The following CTNND2 variants were observed in gnomAD, a reference collection of about 807,000 sequenced individuals.
CTNND2 encodes the protein catenin delta-2.
CTNND2 carries 22 observed loss-of-function variants against 144.4 expected under a neutral mutation model. The ratio of observed to expected loss-of-function variants is 0.15; its 90% CI spans 0.11 to 0.22. CTNND2 has a LOEUF of 0.22. Among genes scored for constraint, CTNND2 ranks in the 10% least tolerant of loss-of-function variants. CTNND2 has a pLI of 1.00. For missense variants in CTNND2, 1,353 were observed against 1,618.8 expected, an observed-to-expected ratio of 0.84 and a Z score of 2.82; for synonymous variants, 751 against 695.6, an observed-to-expected ratio of 1.08 and a Z score of -1.25.
At chr5:11,571,335 A>G (rs1247280399) in intron 2 of CTNND2, among the ~76,000 whole-genome samples, 2 of 152,148 alleles carry the variant, frequency 1.3e-5, no homozygotes, top group Admixed American at 1.3e-4. Context: ...CAGGAGAACC[A>G]CTGTGTGCAG....
chr5:10,992,556 C>A lies in CTNND2; in HGVS notation c.3206G>T (p.Arg1069Leu). 6.2e-7 allele frequency: 1 copy of A among 1,613,934 alleles called. No homozygotes were observed. Among genetic ancestry groups the A allele is most frequent in the South Asian group, 1.1e-5 (1 of 91,078 alleles). Reference protein sequence around the residue: ...ISPVRVSPNNRSASAPASPRE... With the variant: ...ISPVRVSPNNLSASAPASPRE... Reference sequence around the variant, plus strand: ...TAGCCACGGCAGCCTCTTACCTGAGCGGTTGTTGGGAGACACGCGCACAGG... The same window carrying A: ...TAGCCACGGCAGCCTCTTACCTGAGAGGTTGTTGGGAGACACGCGCACAGG... Residue 1069 changes from arginine (R) to leucine (L), a missense_variant, in exon 19 of 22, where the codon CGC becomes CTC. Around this residue, in one of 4 missense-constraint regions of CTNND2, gnomAD observed 459 missense variants for 674.3 expected, o/e 0.68. Coordinates refer to ENST00000304623, the MANE Select transcript of CTNND2 (RefSeq NM_001332.4).
Position 11,412,015 on chromosome 5 carries a change from A to G in CTNND2, c.322+20T>C, listed in dbSNP as rs527692947. ...GATATGTTTAGAAGTGTAAGTGTTC[A>G]TCAATAAGATAGACATTACCTTGTG... is the stretch of plus-strand genomic sequence containing the variant. On this transcript the variant is annotated intron_variant, in intron 4 of 21. Coordinates refer to ENST00000304623, the MANE Select transcript of CTNND2 (RefSeq NM_001332.4). 4 of 1,598,098 alleles carry G rather than the reference A, an allele frequency of 2.5e-6. No homozygotes were observed. The highest frequency in any genetic ancestry group is 2.7e-5 in the African/African-American group (2 of 74,576).
chr5:11,655,872 CT>C (rs915330346), intron 2 of CTNND2, among the ~76,000 whole-genome samples: 1 of 151,332 alleles, frequency 6.6e-6, no homozygotes, highest in Non-Finnish European at 1.5e-5. Context: ...CAAGTTGCTA[CT>C]TTTTTTTTCT....
At chr5:11,588,692 T>C (rs555667624) in intron 2 of CTNND2, 24 of 903,844 alleles carry the variant, frequency 2.7e-5, no homozygotes, top group African/African-American at 2.2e-4. Flanking sequence ...AATGAAAGCA[T>C]TGAAAAACCA....
At chr5:11,775,681 G>T (rs1336193940) in intron 1 of CTNND2, among the ~76,000 whole-genome samples, 2 of 152,228 alleles carry the variant, frequency 1.3e-5, no homozygotes, top group African/African-American at 4.8e-5. Flanking sequence ...AGTCAAAGGA[G>T]CGAAGCTCTG....
At chr5:11,582,379 T>C (rs999684677) in intron 2 of CTNND2, among the ~76,000 whole-genome samples, 3 of 152,158 alleles carry the variant, frequency 2.0e-5, no homozygotes, top group Admixed American at 2.0e-4. Context: ...TTTCTCAAAA[T>C]ATATTGCCCC....
intron 3 of CTNND2, among the ~76,000 whole-genome samples, chr5:11,486,739 G>A (rs1768870232): frequency 6.6e-6 from 1 of 152,046 alleles, no homozygotes; most frequent in African/African-American, 2.4e-5. Flanking sequence ...AACCTAAATA[G>A]TCTTCATAGT....
chr5:11,631,847 C>T (rs988340749), intron 2 of CTNND2, among the ~76,000 whole-genome samples: 4 of 152,120 alleles, frequency 2.6e-5, no homozygotes, highest in Non-Finnish European at 4.4e-5. Context: ...CCAGCCCCAT[C>T]GCCCACTTAC....
At chr5:11,370,583 A>G (rs890569625) in intron 7 of CTNND2, among the ~76,000 whole-genome samples, 3 of 152,234 alleles carry the variant, frequency 2.0e-5, no homozygotes, top group Non-Finnish European at 4.4e-5. Flanking sequence ...GATTTTTTAA[A>G]TTGGAATCCA....
At chr5:11,471,426 T>C (rs1180316482) in intron 3 of CTNND2, among the ~76,000 whole-genome samples, 1 of 152,218 alleles carries the variant, frequency 6.6e-6, no homozygotes, top group Non-Finnish European at 1.5e-5. Context: ...ATTGTTTCTT[T>C]AACAAAGAGA....
At chr5:11,542,984 G>C (rs1308869179) in intron 3 of CTNND2, among the ~76,000 whole-genome samples, 7 of 152,192 alleles carry the variant, frequency 4.6e-5, no homozygotes, top group African/African-American at 1.7e-4. Flanking sequence ...AAGTGCACTG[G>C]ATTGTCTGCC....
Position 11,022,758 on chromosome 5 carries a change from A to AGGTAACTT in CTNND2, c.2999+3_2999+10dup. ...ACCAGGACAGAGATATGGCGTCACC[A>AGGTAACTT]GGTAACTTACTTATCTCCTTTGCTT... On this transcript the variant is annotated intron_variant, in intron 17 of 21. Transcript: ENST00000304623. The AGGTAACTT allele has an allele frequency of 6.2e-7, 1 of 1,609,052 alleles. No homozygotes were observed. Among genetic ancestry groups the AGGTAACTT allele is most frequent in the Admixed American group, 1.7e-5 (1 of 60,026 alleles).
chr5:11,763,793 A>T lies in CTNND2; in HGVS notation c.38-31521T>A, dbSNP rs2126810081. On this transcript the variant is annotated intron_variant, in intron 1 of 21. Transcript: ENST00000304623. ...TGGAAATTAGTTGTTTTGGTTGATC[A>T]GTAGCTGGTTTCCCTGTTTTTGTTC... 2.0e-5 allele frequency among the ~76,000 whole-genome samples: 3 copies of T among 152,252 alleles called. No individual in the cohort carries two copies. In the South Asian group the frequency reaches 6.2e-4, roughly 32 times the overall value.
intron 1 of CTNND2, among the ~76,000 whole-genome samples, chr5:11,818,422 G>A (rs1793134076): frequency 6.6e-6 from 1 of 151,630 alleles, no homozygotes; most frequent in South Asian, 2.1e-4. Context: ...AAGCAGGAGT[G>A]CAGCGATGTG....
At chr5:11,226,488 G>A (rs1374031911) in intron 10 of CTNND2, among the ~76,000 whole-genome samples, 2 of 152,178 alleles carry the variant, frequency 1.3e-5, no homozygotes, top group African/African-American at 4.8e-5. Context: ...AAGGAAAGAG[G>A]TTTAATTGAC....
intron 7 of CTNND2, among the ~76,000 whole-genome samples, chr5:11,377,209 C>T (rs1389510085): frequency 6.6e-6 from 1 of 151,500 alleles, no homozygotes; most frequent in Non-Finnish European, 1.5e-5. Context: ...CGCCGCCACA[C>T]CTGGCTAATT....
chr5:11,856,010 C>G (rs909767262), intron 1 of CTNND2, among the ~76,000 whole-genome samples: 1 of 152,166 alleles, frequency 6.6e-6, no homozygotes, highest in Non-Finnish European at 1.5e-5. Context: ...TGAATGAATA[C>G]TATGTGCATT....
intron 2 of CTNND2, among the ~76,000 whole-genome samples, chr5:11,659,944 G>GAATTGTA: frequency 6.6e-6 from 1 of 152,136 alleles, no homozygotes; most frequent in African/African-American, 2.4e-5. Context: ...ACTTTGAAGA[G>GAATTGTA]AATTGTAAAC....
chr5:11,189,650 G>A (rs1736040679), intron 11 of CTNND2, among the ~76,000 whole-genome samples: 1 of 152,096 alleles, frequency 6.6e-6, no homozygotes, highest in African/African-American at 2.4e-5. Flanking sequence ...TTACTGGTAA[G>A]GTGTCCAGTC....
Sources: gnomAD v4.1 joint callset for allele counts (sites outside exome capture counted in the v4.1 genomes callset) on GRCh38, gnomAD v4.1.1 for gene constraint, gnomAD v4.1.1 regional missense constraint, MANE v1.5 for transcripts, NCBI Gene and HGNC (gene_info 2026-07-23, HGNC 2026-07-21) for gene names.